The following FOXN3 variants were observed in gnomAD, a reference collection of about 807,000 sequenced individuals.
The protein encoded by FOXN3 is forkhead box N3.
Under a neutral mutation model 38.4 loss-of-function variants are expected in FOXN3, and 7 were observed. The ratio of observed to expected loss-of-function variants is 0.18; its 90% CI spans 0.10 to 0.34. The LOEUF is 0.34. FOXN3 is among the 10% of genes least tolerant of loss of function. The pLI is 1.00. For missense variants in FOXN3, 456 were observed against 613.4 expected, an observed-to-expected ratio of 0.74 and a Z score of 2.71; for synonymous variants, 230 against 242.2, an observed-to-expected ratio of 0.95 and a Z score of 0.47.
At chr14:89,174,238 A>G (rs1337865551) in intron 5 of FOXN3, among the ~76,000 whole-genome samples, 1 of 152,086 alleles carries the variant, frequency 6.6e-6, no homozygotes, top group East Asian at 1.9e-4. Context: ...GTCTAATTCT[A>G]CCTGTGCCTC....
intron 1 of FOXN3, among the ~76,000 whole-genome samples, chr14:89,608,181 C>T (rs1053129625): frequency 5.0e-5 from 7 of 138,646 alleles, no homozygotes; most frequent in African/African-American, 1.8e-4. Context: ...GGGTTTCACC[C>T]CATCCTGTTA....
chr14:89,604,919 C>A (rs537126792), intron 1 of FOXN3, among the ~76,000 whole-genome samples: 3 of 152,034 alleles, frequency 2.0e-5, no homozygotes, highest in African/African-American at 7.2e-5. Context: ...TAACTTTATA[C>A]CTGGCAAAAA....
chr14:89,446,178 TTTTTTTTTTTTTTTTTTC>T (rs1051891427), intron 1 of FOXN3, among the ~76,000 whole-genome samples: 681 of 60,874 alleles, frequency 0.011, 21 homozygotes, highest in African/African-American at 0.044. Flanking sequence ...CCTAAAAGTC[TTTTTTTTTTTTTTTTTTC>T]TTTTTTTTTT....
At chr14:89,280,847 C>T in intron 4 of FOXN3, 103 bp downstream of exon 4, 1 of 1,010,096 alleles carries the variant, frequency 9.9e-7, no homozygotes, top group Non-Finnish European at 1.5e-6. Context: ...GCGGCCACTC[C>T]TAAACGGGAC....
chr14:89,298,153 G>A (rs546924592), intron 3 of FOXN3, among the ~76,000 whole-genome samples: 197 of 152,250 alleles, frequency 1.3e-3, no homozygotes, highest in Admixed American at 2.8e-3. Flanking sequence ...TGAACCTTGA[G>A]GGCATTATGG....
intron 4 of FOXN3, among the ~76,000 whole-genome samples, chr14:89,188,556 C>T (rs1339959144): frequency 6.6e-6 from 1 of 152,166 alleles, no homozygotes; most frequent in Non-Finnish European, 1.5e-5. Flanking sequence ...TGCTCCGGTC[C>T]ATTACGTTTA....
At position 89,204,792 on chromosome 14, in the gene FOXN3, CTCCA is replaced by C. The variant is rs142220885; in HGVS notation, c.746-23990_746-23987del. Among the ~76,000 whole-genome samples, 1,428 of 150,752 alleles carry C rather than the reference CTCCA, an allele frequency of 9.5e-3. 13 individuals carry two copies. The highest frequency in any genetic ancestry group is 0.026 in the African/African-American group (1,084 of 40,936). ...TCAATTTGATACAAAGAGACATAGGCTCCATCCATCCATCCATCCATCCATCCAT... is the reference window on the plus strand; with the variant it reads ...TCAATTTGATACAAAGAGACATAGGCTCCATCCATCCATCCATCCATCCAT... On this transcript the variant is annotated intron_variant, in intron 4 of 5. Coordinates refer to ENST00000557258, the MANE Select transcript of FOXN3 (RefSeq NM_005197.4).
chr14:89,369,003 C>T (rs1232984421), intron 2 of FOXN3, among the ~76,000 whole-genome samples: 1 of 152,140 alleles, frequency 6.6e-6, no homozygotes, highest in African/African-American at 2.4e-5. Flanking sequence ...GCCGAAGTGC[C>T]CTCTGGCCAC....
chr14:89,477,886 C>T (rs1893243903), intron 1 of FOXN3, among the ~76,000 whole-genome samples: 1 of 151,866 alleles, frequency 6.6e-6, no homozygotes. Flanking sequence ...AAAAAATAAC[C>T]AAAGTCCTTT....
At chr14:89,438,926 A>G (rs1745133400) in intron 1 of FOXN3, among the ~76,000 whole-genome samples, 2 of 151,840 alleles carry the variant, frequency 1.3e-5, no homozygotes. Flanking sequence ...ACGCCCAGCT[A>G]ATTTCGTATT....
intron 1 of FOXN3, among the ~76,000 whole-genome samples, chr14:89,416,097 G>T (rs549427297): frequency 1.3e-3 from 197 of 152,280 alleles, no homozygotes; most frequent in African/African-American, 4.2e-3. Context: ...GCGAGTTTGG[G>T]GGGCCGGGTC....
At position 89,164,632 on chromosome 14, in the gene FOXN3, G is replaced by A. The variant is rs752722412; in HGVS notation, c.852-1663C>T. On this transcript the variant is annotated intron_variant, in intron 5 of 5. Coordinates refer to ENST00000557258, the MANE Select transcript of FOXN3 (RefSeq NM_005197.4). The surrounding 1 kb of genome is among the most constrained non-coding windows in gnomAD (Gnocchi z 4.3). ...ACGGTGGACACAGCAGATAAACTGAGGAAGTGCGGCACAGGTGGAATCACG... is the reference window on the plus strand; with the variant it reads ...ACGGTGGACACAGCAGATAAACTGAAGAAGTGCGGCACAGGTGGAATCACG... 6.6e-6 allele frequency among the ~76,000 whole-genome samples: 1 copy of A among 152,214 alleles called. No homozygotes were observed. Among genetic ancestry groups the A allele is most frequent in the Non-Finnish European group, 1.5e-5 (1 of 68,046 alleles).
At chr14:89,435,075 A>C (rs1596272212) in intron 1 of FOXN3, among the ~76,000 whole-genome samples, 1 of 152,174 alleles carries the variant, frequency 6.6e-6, no homozygotes, top group East Asian at 1.9e-4. Context: ...CAAGAGGGTA[A>C]AACTCTCTTA....
At chr14:89,565,880 A>G (rs1011526261) in intron 1 of FOXN3, among the ~76,000 whole-genome samples, 5 of 152,220 alleles carry the variant, frequency 3.3e-5, no homozygotes, top group Admixed American at 3.3e-4. Flanking sequence ...GCAGAAAATT[A>G]ATACAAGGGA....
In FOXN3 at chr14:89,466,368, T is replaced by G. The variant is rs141643592; in HGVS notation, c.-14-53878A>C. The stretch of plus-strand genomic sequence containing the variant: ...ACAAACTAAAATGAAGCTCCACTTA[T>G]TTCTCCTCTTTTGCATCCTCTTCCA... On this transcript the variant is annotated intron_variant, in intron 1 of 6. Transcript: ENST00000345097. Among the ~76,000 whole-genome samples, 367 of 152,292 alleles carry G rather than the reference T, an allele frequency of 2.4e-3. 2 individuals carry two copies. The highest frequency in any genetic ancestry group is 8.5e-3 in the African/African-American group (354 of 41,562).
chr14:89,250,711 C>T (rs551968036), intron 4 of FOXN3, among the ~76,000 whole-genome samples: 2 of 152,288 alleles, frequency 1.3e-5, no homozygotes. Context: ...ACACAAATCT[C>T]GAATTGTAGT....
chr14:89,265,360 A>C (rs1022047173), intron 4 of FOXN3, among the ~76,000 whole-genome samples: 4 of 152,160 alleles, frequency 2.6e-5, no homozygotes, highest in Admixed American at 2.6e-4. Context: ...TCCTCTGTTC[A>C]CAGGTGGCTG....
chr14:89,420,292 C>A (rs138785457), upstream of FOXN3, among the ~76,000 whole-genome samples: 165 of 152,326 alleles, frequency 1.1e-3, 4 homozygotes, highest in East Asian at 0.019. Flanking sequence ...GACTCCCCTA[C>A]GCGCATGGCC....
At chr14:89,212,691 A>G (rs1884137907) in intron 4 of FOXN3, among the ~76,000 whole-genome samples, 1 of 152,266 alleles carries the variant, frequency 6.6e-6, no homozygotes, top group African/African-American at 2.4e-5. Flanking sequence ...AATTTTGTAA[A>G]TACTTAATTC....
Sources: gnomAD v4.1 joint callset for allele counts (sites outside exome capture counted in the v4.1 genomes callset) on GRCh38, gnomAD v4.1.1 for gene constraint, Gnocchi (gnomAD v3.1) non-coding constraint, MANE v1.5 for transcripts, NCBI Gene and HGNC (gene_info 2026-07-23, HGNC 2026-07-21) for gene names.